The following CNTNAP2 variants were observed in gnomAD, a reference collection of about 807,000 sequenced individuals.
The protein encoded by CNTNAP2 is contactin associated protein 2.
Under a neutral mutation model 155.2 loss-of-function variants are expected in CNTNAP2, and 98 were observed. That is an observed-to-expected ratio of 0.63 (90% CI 0.54 to 0.75). The LOEUF is 0.75. Ranked by LOEUF, CNTNAP2 falls within the 30% of genes least tolerant of loss-of-function variation. The probability of loss-of-function intolerance (pLI) is 0.00; values close to 1 mark genes in which losing one functional copy is unlikely to be tolerated. For synonymous variants in CNTNAP2, 651 were observed against 631.2 expected (o/e 1.03, Z -0.47); for missense variants, 1,727 against 1,688.1 (o/e 1.02, Z -0.40).
At chr7:146,349,615 C>A (rs887403285) in intron 1 of CNTNAP2, among the ~76,000 whole-genome samples, 2 of 152,030 alleles carry the variant, frequency 1.3e-5, no homozygotes, top group African/African-American at 4.8e-5. Context: ...ACTGGTTGTT[C>A]CTTTCTATGT....
intron 12 of CNTNAP2, among the ~76,000 whole-genome samples, chr7:147,562,487 T>C (rs1800083392): frequency 6.6e-6 from 1 of 152,108 alleles, no homozygotes; most frequent in Non-Finnish European, 1.5e-5. Flanking sequence ...TTAAGCATCA[T>C]TTTTTTAAAA....
At chr7:147,060,426 A>T (rs1799641443) in intron 4 of CNTNAP2, among the ~76,000 whole-genome samples, 1 of 152,184 alleles carries the variant, frequency 6.6e-6, no homozygotes, top group Admixed American at 6.5e-5. Flanking sequence ...TAGCAGTTTG[A>T]TTTCAAAATG....
chr7:147,392,505 C>T (rs1041223800), intron 9 of CNTNAP2, among the ~76,000 whole-genome samples: 3 of 151,962 alleles, frequency 2.0e-5, no homozygotes, highest in Non-Finnish European at 4.4e-5. Context: ...TCCTTCACCC[C>T]TCTCCCACCT....
At chr7:147,972,460 T>C (rs766620995) in intron 14 of CNTNAP2, among the ~76,000 whole-genome samples, 1 of 152,150 alleles carries the variant, frequency 6.6e-6, no homozygotes, top group Non-Finnish European at 1.5e-5. Flanking sequence ...AAGGATAAGA[T>C]TAAACTGCCT....
chr7:148,052,163 CT>C (rs1363518331), intron 15 of CNTNAP2, among the ~76,000 whole-genome samples: 1 of 149,652 alleles, frequency 6.7e-6, no homozygotes, highest in Non-Finnish European at 1.5e-5. Context: ...AAAAAAAGCC[CT>C]TGTAAGCATA....
intron 3 of CNTNAP2, among the ~76,000 whole-genome samples, chr7:146,896,366 T>C (rs1795877073): frequency 6.6e-6 from 1 of 152,114 alleles, no homozygotes; most frequent in East Asian, 1.9e-4. Context: ...CTAATCCTTA[T>C]TATCTCCACT....
At chr7:148,208,270 A>G (rs1032126154) in intron 18 of CNTNAP2, among the ~76,000 whole-genome samples, 7 of 152,184 alleles carry the variant, frequency 4.6e-5, no homozygotes, top group African/African-American at 1.7e-4. Context: ...ATGCAGTGTC[A>G]TTGGTCAAAC....
chr7:146,951,488 G>T (rs1344027833), intron 3 of CNTNAP2, among the ~76,000 whole-genome samples: 3 of 152,028 alleles, frequency 2.0e-5, no homozygotes, highest in Non-Finnish European at 2.9e-5. Flanking sequence ...GTGAGGAAGG[G>T]GTCCAGTTTC....
chr7:147,789,564 A>G (rs776196089), intron 13 of CNTNAP2, among the ~76,000 whole-genome samples: 2 of 152,150 alleles, frequency 1.3e-5, no homozygotes, highest in African/African-American at 4.8e-5. Flanking sequence ...TGTGATGGTT[A>G]ATATTGAGTG....
At chr7:148,159,240 C>T (rs950337478) in intron 17 of CNTNAP2, among the ~76,000 whole-genome samples, 6 of 152,078 alleles carry the variant, frequency 3.9e-5, no homozygotes, top group African/African-American at 7.2e-5. Context: ...CATTTTATTA[C>T]GTTTTTTCTT....
At chr7:147,576,129 G>C (rs1800392666) in intron 12 of CNTNAP2, among the ~76,000 whole-genome samples, 1 of 151,438 alleles carries the variant, frequency 6.6e-6, no homozygotes, top group Non-Finnish European at 1.5e-5. Flanking sequence ...TTCTCTCTAT[G>C]ATTTCTGGTT....
At chr7:147,580,859 G>T (rs939493952) in intron 12 of CNTNAP2, among the ~76,000 whole-genome samples, 2 of 152,070 alleles carry the variant, frequency 1.3e-5, no homozygotes, top group South Asian at 2.1e-4. Flanking sequence ...CAGATGATCC[G>T]CCCGTCTCAG....
intron 1 of CNTNAP2, among the ~76,000 whole-genome samples, chr7:146,196,065 C>T (rs1046422342): frequency 6.6e-6 from 1 of 152,132 alleles, no homozygotes; most frequent in Non-Finnish European, 1.5e-5. Context: ...AGTTTGACTT[C>T]TGCTTCCCCA....
intron 13 of CNTNAP2, among the ~76,000 whole-genome samples, chr7:147,693,164 A>C (rs775237128): frequency 5.9e-5 from 9 of 151,992 alleles, no homozygotes; most frequent in African/African-American, 2.2e-4. Context: ...CTATATTTAC[A>C]CAGATGTATT....
intron 14 of CNTNAP2, among the ~76,000 whole-genome samples, chr7:147,923,321 G>A (rs1211014365): frequency 1.3e-5 from 2 of 152,016 alleles, no homozygotes; most frequent in Non-Finnish European, 2.9e-5. Context: ...AAAGACACAG[G>A]GACAGACACA....
intron 13 of CNTNAP2, among the ~76,000 whole-genome samples, chr7:147,743,518 C>A (rs1796988317): frequency 6.6e-6 from 1 of 152,184 alleles, no homozygotes; most frequent in South Asian, 2.1e-4. Flanking sequence ...CTGTTCTCCC[C>A]TGGTACCAAA....
At chr7:147,187,272 A>G (rs1802585194) in intron 8 of CNTNAP2, among the ~76,000 whole-genome samples, 1 of 152,168 alleles carries the variant, frequency 6.6e-6, no homozygotes, top group South Asian at 2.1e-4. Flanking sequence ...AGTTGGGGGC[A>G]TAAAGATAGA....
Position 146,304,993 on chromosome 7 carries a change from T to A in CNTNAP2, c.97+188020T>A, listed in dbSNP as rs1274582017. The stretch of plus-strand genomic sequence containing the variant: ...CTTTTTACTCTTTTTTTCTCTAAAC[T>A]TCTCTTCTCACTTCATTTCATTCAT... On this transcript the variant is annotated intron_variant, in intron 1 of 23. Coordinates refer to ENST00000361727, the MANE Select transcript of CNTNAP2 (RefSeq NM_014141.6). 2.0e-5 allele frequency among the ~76,000 whole-genome samples: 3 copies of A among 152,128 alleles called. 1 individual carries two copies. Among genetic ancestry groups the A allele is most frequent in the Non-Finnish European group, 4.4e-5 (3 of 68,032 alleles).
At chr7:148,209,598 A>G (rs1003829656) in intron 18 of CNTNAP2, among the ~76,000 whole-genome samples, 41 of 151,892 alleles carry the variant, frequency 2.7e-4, no homozygotes, top group Middle Eastern at 3.4e-3. Context: ...GATTCTGTCC[A>G]CTCTACTACT....
Sources: allele counts gnomAD v4.1 joint callset (sites outside exome capture counted in the v4.1 genomes callset), GRCh38; gene constraint gnomAD v4.1.1; transcripts MANE v1.5; gene names NCBI Gene and HGNC (gene_info 2026-07-23, HGNC 2026-07-21).